Variants in ALAD observed in about 807,000 individuals in gnomAD.
The protein encoded by ALAD is aminolevulinate dehydratase.
In ALAD, 20 loss-of-function variants were observed where a neutral mutation model predicts 44.4. That is an observed-to-expected ratio of 0.45 (90% CI 0.32 to 0.65). The LOEUF is 0.65. Among genes scored for constraint, ALAD ranks in the 30% least tolerant of loss-of-function variants. The probability of loss-of-function intolerance (pLI) is 0.05; values close to 1 mark genes in which losing one functional copy is unlikely to be tolerated. For synonymous variants in ALAD, 156 were observed against 167.9 expected (o/e 0.93, Z 0.55); for missense variants, 323 against 445.7 (o/e 0.72, Z 2.48).
At chr9:113,400,613 G>A (rs1588089659) in intron 1 of ALAD, among the ~76,000 whole-genome samples, 1 of 152,080 alleles carries the variant, frequency 6.6e-6, no homozygotes. Context: ...ACCTGAGCTC[G>A]GGAGTTCGAG....
intron 1 of ALAD, among the ~76,000 whole-genome samples, chr9:113,398,320 G>T (rs894197406): frequency 2.0e-5 from 3 of 152,210 alleles, no homozygotes; most frequent in Non-Finnish European, 1.5e-5. Flanking sequence ...AGATGTTGAA[G>T]AGAGGTCTAA....
In ALAD at chr9:113,390,650, G is replaced by A. The variant is rs778238328; in HGVS notation, c.424C>T (p.Arg142Trp). ...AGCCGCTGGCGGCTCTCCTCAGCCC[G>A]GAATGCTCCGTTTTCACTCAGGAGC... ...CGLLSENGAF[R>W]AEESRQRLAE... Residue 142 changes from arginine to tryptophan, a missense_variant, in exon 6 of 12, where the codon CGG becomes TGG. Arg to Trp is a moderately radical substitution (Grantham distance 101). Transcript: ENST00000409155. The A allele has an allele frequency of 1.1e-5, 17 of 1,613,984 alleles. No individual in the cohort carries two copies. The highest frequency in any genetic ancestry group is 9.9e-5 in the South Asian group (9 of 91,080).
rs574784509 is a variant in ALAD, at chr9:113,394,216, A to C, written c.-75-582T>G. On this transcript the variant is annotated intron_variant, in intron 1 of 11. Coordinates refer to ENST00000409155, the MANE Select transcript of ALAD (RefSeq NM_000031.6). ...CAGCCTCCCAAAGTGCCGGGATTAC[A>C]GGCGTGAGCCACGGTGCCTAGCCAA... is the stretch of plus-strand genomic sequence containing the variant. 1.5e-3 allele frequency among the ~76,000 whole-genome samples: 224 copies of C among 149,140 alleles called. 1 individual carries two copies. The highest frequency in any genetic ancestry group is 6.9e-3 in the Middle Eastern group (2 of 290).
chr9:113,394,941 G>A (rs561986116), intron 1 of ALAD, among the ~76,000 whole-genome samples: 1 of 152,080 alleles, frequency 6.6e-6, no homozygotes, highest in Non-Finnish European at 1.5e-5. Flanking sequence ...TGTAATCCCA[G>A]CTACTGGGGA....
chr9:113,389,888 T>C, intron 7 of ALAD, 60 bp from the exon 8 acceptor site: 2 of 1,600,070 alleles, frequency 1.2e-6, no homozygotes, highest in Non-Finnish European at 1.7e-6. Flanking sequence ...CCCAGGGTGA[T>C]GTGGCAGGGA....
chr9:113,395,519 AC>A (rs1449668755), intron 1 of ALAD, among the ~76,000 whole-genome samples: 2 of 152,232 alleles, frequency 1.3e-5, no homozygotes, highest in Non-Finnish European at 2.9e-5. Context: ...ATATTTAATT[AC>A]GTGAAGTACA....
intron 1 of ALAD, among the ~76,000 whole-genome samples, chr9:113,400,642 G>A (rs758975891): frequency 1.3e-5 from 2 of 151,804 alleles, no homozygotes; most frequent in African/African-American, 2.4e-5. Flanking sequence ...GACCAACAGG[G>A]AGAAACCCCA....
At position 113,392,382 on chromosome 9, in the gene ALAD, A is replaced by G. The variant is rs867852478; in HGVS notation, c.114-213T>C. The G allele has an allele frequency of 2.2e-6, 3 of 1,370,930 alleles. No individual in the cohort carries two copies. The South Asian group carries it at 4.4e-5, about 20-fold the overall frequency. 84.9% of individuals were successfully genotyped at this position (1,370,930 alleles called of 1,614,324 possible). ...CAAGAATAACAGTGACAACACTAGC[A>G]ACTGTACTAAAAGAACGGTAATTAC... is the stretch of plus-strand genomic sequence containing the variant. On this transcript the variant is annotated intron_variant, in intron 2 of 11. Transcript: ENST00000409155.
chr9:113,388,169 C>T lies in ALAD; in HGVS notation c.*131G>A. The T allele has an allele frequency of 7.2e-6, 7 of 975,872 alleles. No homozygotes were observed. Among genetic ancestry groups the T allele is most frequent in the South Asian group, 5.3e-5 (4 of 75,668 alleles). The allele number at this position is 975,872 out of a possible 1,614,324, so 60.5% of individuals were successfully genotyped here. A position where few individuals can be genotyped will look rare whatever the true frequency, so the allele number is the denominator to read the frequency against. Reference sequence around the variant, plus strand: ...GGCAAAACCACCCAGGGCTGCTGGGCCCCGCTAGCATGTGAGCAGGAAGAG... The same window carrying T: ...GGCAAAACCACCCAGGGCTGCTGGGTCCCGCTAGCATGTGAGCAGGAAGAG... On this transcript the variant is annotated 3_prime_UTR_variant, in exon 12 of 12. Coordinates refer to ENST00000409155, the MANE Select transcript of ALAD (RefSeq NM_000031.6).
chr9:113,390,333 C>A, intron 7 of ALAD, 72 bp downstream of exon 7: 1 of 1,509,426 alleles, frequency 6.6e-7, no homozygotes, highest in East Asian at 2.3e-5. Flanking sequence ...TTCTGTGATT[C>A]TTAGCAGACA....
rs2792823 is a variant in ALAD, at chr9:113,390,161, A to G, written c.570+244T>C. Among the ~76,000 whole-genome samples the G allele has an allele frequency of 0.44, 67,101 of 151,960 alleles. 15,017 individuals carry two copies. Among genetic ancestry groups the G allele is most frequent in the Admixed American group, 0.51 (7,841 of 15,282 alleles). On this transcript the variant is annotated intron_variant, in intron 7 of 11. Transcript: ENST00000409155. ...CTCAGCCTCCCCAGTAGCTGGGATTACAGGCGCCTGCCACCACGCCCAGCT... is the reference window on the plus strand; with the variant it reads ...CTCAGCCTCCCCAGTAGCTGGGATTGCAGGCGCCTGCCACCACGCCCAGCT...
rs557054359 is a variant in ALAD at position 113,391,910 on chromosome 9, G to A, written c.164+209C>T. 6.6e-5 allele frequency among the ~76,000 whole-genome samples: 10 copies of A among 152,316 alleles called. No homozygotes were observed. The East Asian group carries it at 1.9e-3, about 29-fold the overall frequency. ...CTTCTGCAACAGCCTCTGCCACGAC[G>A]TCTCGGGTGATGGGTAGCTCTTTAC... is the stretch of plus-strand genomic sequence containing the variant. On this transcript the variant is annotated intron_variant, in intron 3 of 11. Transcript: ENST00000409155.
rs1340274206 is a variant in ALAD at position 113,393,501 on chromosome 9, TGCCAGGCCCGAA to T, written c.47_58del (p.Leu16_Trp19del). ...GGCATTGAGGGTGGTGGTGGCTGTC[TGCCAGGCCCGAA>T]GTAGTGGGTGGAAGTAGCCGCTGTG... On this transcript the variant is annotated inframe_deletion, in exon 2 of 12. Transcript: ENST00000409155. The T allele has an allele frequency of 6.2e-7, 1 of 1,610,986 alleles. No homozygotes were observed. The highest frequency in any genetic ancestry group is 8.5e-7 in the Non-Finnish European group (1 of 1,177,966).
At chr9:113,397,135 T>G (rs1415583593) in intron 1 of ALAD, 1 of 152,166 alleles carries the variant, frequency 6.6e-6, no homozygotes, top group Non-Finnish European at 1.5e-5. Context: ...TGGAGTCAAG[T>G]CAGATGTCGA....
intron 1 of ALAD, among the ~76,000 whole-genome samples, 186 bp downstream of exon 1, chr9:113,401,026 C>A (rs1827840174): frequency 3.3e-5 from 5 of 152,160 alleles, no homozygotes; most frequent in Admixed American, 3.3e-4. Context: ...GGGCCCCCAA[C>A]CTCGGCTGCA....
At chr9:113,391,140 C>G (rs1464839851) in intron 4 of ALAD, among the ~76,000 whole-genome samples, 1 of 152,212 alleles carries the variant, frequency 6.6e-6, no homozygotes, top group African/African-American at 2.4e-5. Context: ...AGGGCCAGCA[C>G]AATGTGGGAG....
chr9:113,397,012 G>A (rs1411038474), intron 1 of ALAD: 1 of 152,238 alleles, frequency 6.6e-6, no homozygotes, highest in Admixed American at 6.6e-5. Flanking sequence ...TGTATGAATG[G>A]GACCTCAAGG....
intron 5 of ALAD, 48 bp from the exon 6 acceptor site, chr9:113,390,724 T>C (rs1291077047): frequency 1.2e-6 from 2 of 1,603,648 alleles, no homozygotes; most frequent in Non-Finnish European, 1.7e-6. Flanking sequence ...GGCCCTGGCC[T>C]GTCCCCACCC....
intron 1 of ALAD, chr9:113,398,243 T>C (rs774897324): frequency 6.6e-6 from 1 of 152,230 alleles, no homozygotes; most frequent in Non-Finnish European, 1.5e-5. Context: ...TCCTAACTTT[T>C]AGTGATAAGG....
Sources: gnomAD v4.1 joint callset for allele counts (sites outside exome capture counted in the v4.1 genomes callset) on GRCh38, gnomAD v4.1.1 for gene constraint, MANE v1.5 for transcripts, NCBI Gene and HGNC (gene_info 2026-07-23, HGNC 2026-07-21) for gene names.